GNG2: variants seen among roughly 807,000 people sequenced by gnomAD.
GNG2 encodes the protein guanine nucleotide-binding protein G(I)/G(S)/G(O) subunit gamma-2.
In GNG2, 5 loss-of-function variants were observed where a neutral mutation model predicts 5.5. That is an observed-to-expected ratio of 0.91 (90% confidence interval 0.48 to 1.92). GNG2 has a LOEUF of 1.92. Among genes scored for constraint, GNG2 ranks in the 30% most tolerant of loss-of-function variants. The probability of loss-of-function intolerance (pLI) is 0.01; values close to 1 mark genes in which losing one functional copy is unlikely to be tolerated. For missense variants in GNG2, 55 were observed against 88.4 expected (o/e 0.62, Z 1.52); for synonymous variants, 28 against 32.0 (o/e 0.88, Z 0.42).
upstream of GNG2, among the ~76,000 whole-genome samples, chr14:51,855,562 CT>C (rs1356477822): frequency 6.6e-6 from 1 of 152,200 alleles, no homozygotes; most frequent in African/African-American, 2.4e-5. Flanking sequence ...GGAATTCTAG[CT>C]TTTCTGTGAT....
chr14:51,918,012 A>G (rs1886755995), intron 2 of GNG2, among the ~76,000 whole-genome samples: 1 of 148,960 alleles, frequency 6.7e-6, no homozygotes, highest in South Asian at 2.2e-4. Context: ...GGCAAGAGAG[A>G]GAGACTCCAT....
chr14:51,899,070 C>T (rs1206143169), intron 2 of GNG2, among the ~76,000 whole-genome samples: 1 of 152,214 alleles, frequency 6.6e-6, no homozygotes, highest in Non-Finnish European at 1.5e-5. Flanking sequence ...ACCTGATCTT[C>T]AAGGACCTAT....
chr14:51,944,717 A>C (rs1888541762), intron 2 of GNG2, among the ~76,000 whole-genome samples: 1 of 152,246 alleles, frequency 6.6e-6, no homozygotes, highest in South Asian at 2.1e-4. Flanking sequence ...AACATAGGGC[A>C]AAAGCTTCAT....
At chr14:51,920,377 A>G (rs905219863) in intron 2 of GNG2, among the ~76,000 whole-genome samples, 3 of 150,958 alleles carry the variant, frequency 2.0e-5, no homozygotes, top group African/African-American at 7.3e-5. Context: ...AATAATTATA[A>G]TACCTAATAC....
At chr14:51,841,215 C>G (rs1399340115) in intron 2 of GNG2, among the ~76,000 whole-genome samples, 1 of 152,136 alleles carries the variant, frequency 6.6e-6, no homozygotes, top group East Asian at 1.9e-4. Flanking sequence ...CCACAGGAGA[C>G]CCCCACATTT....
chr14:51,855,328 G>A lies in GNG2; in HGVS notation c.64+27521G>A, dbSNP rs566761647. ...AGACTGGCATTTTTCATTAGTGAAGGCCAGGCACTCTCTCTCCAGAAAGAT... is the reference window on the plus strand; with the variant it reads ...AGACTGGCATTTTTCATTAGTGAAGACCAGGCACTCTCTCTCCAGAAAGAT... On this transcript the variant is annotated intron_variant, in intron 2 of 3. Coordinates refer to the GNG2 transcript ENST00000553432. 7.9e-5 allele frequency among the ~76,000 whole-genome samples: 12 copies of A among 152,238 alleles called. No individual in the cohort carries two copies. The South Asian group carries it at 2.5e-3, about 32-fold the overall frequency.
At chr14:51,901,899 T>C (rs1326720531) in intron 2 of GNG2, among the ~76,000 whole-genome samples, 4 of 145,282 alleles carry the variant, frequency 2.8e-5, no homozygotes, top group Non-Finnish European at 5.9e-5. Flanking sequence ...TATTACATGG[T>C]TTGAACAGGA....
chr14:51,836,885 A>G (rs2748133), intron 2 of GNG2, among the ~76,000 whole-genome samples: 1 of 144,800 alleles, frequency 6.9e-6, no homozygotes, highest in Admixed American at 6.9e-5. Context: ...TGAGACAGAG[A>G]TTTCCTCTGT....
At chr14:51,897,515 G>A (rs569763818) in intron 2 of GNG2, among the ~76,000 whole-genome samples, 2 of 152,310 alleles carry the variant, frequency 1.3e-5, no homozygotes, top group Non-Finnish European at 2.9e-5. Context: ...CAAATTTCCA[G>A]TTGAACTGGT....
chr14:51,933,384 G>GA (rs2140248982), intron 2 of GNG2, among the ~76,000 whole-genome samples: 1 of 152,206 alleles, frequency 6.6e-6, no homozygotes, highest in South Asian at 2.1e-4. Flanking sequence ...TGAAGAAGAG[G>GA]AAGTGGACAC....
At chr14:51,918,763 G>GT (rs1886813770) in intron 2 of GNG2, among the ~76,000 whole-genome samples, 2 of 152,180 alleles carry the variant, frequency 1.3e-5, no homozygotes, top group South Asian at 4.1e-4. Flanking sequence ...AATAAACAAG[G>GT]TGTTACTGTT....
intron 2 of GNG2, among the ~76,000 whole-genome samples, chr14:51,881,561 C>A (rs1034847516): frequency 1.3e-5 from 2 of 152,088 alleles, no homozygotes; most frequent in African/African-American, 2.4e-5. Context: ...GGGCCTCATC[C>A]CTTACATTTC....
intron 2 of GNG2, among the ~76,000 whole-genome samples, chr14:51,845,634 T>A (rs778374162): frequency 6.6e-6 from 1 of 152,242 alleles, no homozygotes; most frequent in Non-Finnish European, 1.5e-5. Flanking sequence ...GTTTGGGAAA[T>A]GCCATTCTTA....
intron 2 of GNG2, among the ~76,000 whole-genome samples, chr14:51,910,857 C>A (rs1594904168): frequency 6.6e-6 from 1 of 152,228 alleles, no homozygotes; most frequent in African/African-American, 2.4e-5. Context: ...TGTAAAAAGC[C>A]CATGGCAGAA....
intron 2 of GNG2, among the ~76,000 whole-genome samples, chr14:51,854,918 ACCTCAGGCTTCATGGTTAGCCCT>A (rs1368007801): frequency 4.0e-5 from 6 of 151,890 alleles, no homozygotes; most frequent in African/African-American, 1.5e-4. Flanking sequence ...CTTCAGTAAG[ACCTCAGGCTTCATGGTTAGCCCT>A]CCTCCAGCCG....
In GNG2 at chr14:51,834,284, C is replaced by G. The variant is rs576993734; in HGVS notation, c.64+6477C>G. On this transcript the variant is annotated intron_variant, in intron 2 of 3. Transcript: ENST00000553432. Reference sequence around the variant, plus strand: ...ACATTGAAGTTCCCCCAGAACGCCCCAAGGCATTCAGCACTTGGCTCCCGA... The same window carrying G: ...ACATTGAAGTTCCCCCAGAACGCCCGAAGGCATTCAGCACTTGGCTCCCGA... 3.9e-5 allele frequency among the ~76,000 whole-genome samples: 6 copies of G among 152,350 alleles called. No homozygotes were observed. In the South Asian group the frequency reaches 1.2e-3, roughly 32 times the overall value.
chr14:51,956,585 T>G (rs1030215371), intron 3 of GNG2, among the ~76,000 whole-genome samples: 1 of 152,164 alleles, frequency 6.6e-6, no homozygotes, highest in Non-Finnish European at 1.5e-5. Context: ...ACTTCCCATC[T>G]CAAGCCTCCA....
At chr14:51,947,370 G>A (rs999256265) in intron 2 of GNG2, among the ~76,000 whole-genome samples, 5 of 152,158 alleles carry the variant, frequency 3.3e-5, no homozygotes, top group African/African-American at 4.8e-5. Context: ...CTGTGTGGGC[G>A]CAATGTAGTT....
chr14:51,902,478 T>C (rs1049637335), intron 2 of GNG2, among the ~76,000 whole-genome samples: 3 of 152,168 alleles, frequency 2.0e-5, no homozygotes, highest in Admixed American at 1.3e-4. Context: ...GCTTGATAAA[T>C]GTTAATTAAT....
Sources: gnomAD v4.1 joint callset for allele counts (sites outside exome capture counted in the v4.1 genomes callset) on GRCh38, gnomAD v4.1.1 for gene constraint, MANE v1.5 for transcripts, NCBI Gene and HGNC (gene_info 2026-07-23, HGNC 2026-07-21) for gene names.